The following MAGI2 variants were observed in gnomAD, a reference collection of about 807,000 sequenced individuals.
MAGI2 encodes the protein membrane associated guanylate kinase, WW and PDZ domain containing 2.
MAGI2 carries 35 observed loss-of-function variants against 133.3 expected under a neutral mutation model. The observed-to-expected ratio is 0.26, with a 90% CI of 0.20 to 0.35. MAGI2 has a LOEUF of 0.35. MAGI2 is among the 10% of genes least tolerant of loss of function. The probability of loss-of-function intolerance (pLI) is 1.00; values close to 1 mark genes in which losing one functional copy is unlikely to be tolerated. For missense variants in MAGI2, 1,636 were observed against 1,863.4 expected, an observed-to-expected ratio of 0.88 and a Z score of 2.25; for synonymous variants, 729 against 710.6, an observed-to-expected ratio of 1.03 and a Z score of -0.41.
At chr7:78,476,781 C>A (rs1222081364) in intron 6 of MAGI2, among the ~76,000 whole-genome samples, 1 of 151,820 alleles carries the variant, frequency 6.6e-6, no homozygotes, top group African/African-American at 2.4e-5. Context: ...TGACTGGCAT[C>A]ACTCAATCGA....
intron 9 of MAGI2, among the ~76,000 whole-genome samples, chr7:78,312,441 G>T (rs771086886): frequency 1.3e-5 from 2 of 151,952 alleles, no homozygotes; most frequent in Non-Finnish European, 2.9e-5. Flanking sequence ...TAATCAACAG[G>T]CAATATATAG....
chr7:79,439,273 A>G (rs923756478), intron 1 of MAGI2, among the ~76,000 whole-genome samples: 1 of 152,072 alleles, frequency 6.6e-6, no homozygotes, highest in Admixed American at 6.6e-5. Context: ...AATGTTTCCA[A>G]TGGAACTGCA....
At chr7:79,335,280 G>A (rs1345526863) in intron 1 of MAGI2, among the ~76,000 whole-genome samples, 1 of 152,086 alleles carries the variant, frequency 6.6e-6, no homozygotes, top group Non-Finnish European at 1.5e-5. Context: ...GTGTCTTCAA[G>A]CTGCATTTTA....
intron 2 of MAGI2, among the ~76,000 whole-genome samples, chr7:78,851,907 A>G (rs1234260091): frequency 6.6e-6 from 1 of 152,148 alleles, no homozygotes; most frequent in African/African-American, 2.4e-5. Flanking sequence ...TAACTAGTAG[A>G]GTTGATGGAA....
At chr7:78,685,917 C>T (rs375807724) in intron 2 of MAGI2, among the ~76,000 whole-genome samples, 3 of 151,394 alleles carry the variant, frequency 2.0e-5, no homozygotes, top group African/African-American at 4.8e-5. Flanking sequence ...AAAAATTTCT[C>T]AAAGAAAAAG....
intron 1 of MAGI2, among the ~76,000 whole-genome samples, chr7:79,253,231 T>C (rs923051315): frequency 3.3e-5 from 5 of 152,234 alleles, no homozygotes; most frequent in African/African-American, 4.8e-5. Context: ...TGACTACTAT[T>C]TTCAAGTTAG....
chr7:78,715,274 T>A (rs1411601668), intron 2 of MAGI2, among the ~76,000 whole-genome samples: 1 of 152,144 alleles, frequency 6.6e-6, no homozygotes, highest in Non-Finnish European at 1.5e-5. Context: ...ATAGAGTGAA[T>A]TGGAATGGAC....
chr7:78,226,601 C>A (rs764806551), intron 10 of MAGI2, among the ~76,000 whole-genome samples: 2 of 152,198 alleles, frequency 1.3e-5, no homozygotes, highest in Non-Finnish European at 2.9e-5. Context: ...TCTCCCACCA[C>A]CGAAATTATA....
rs987269791 is a variant in MAGI2, at chr7:78,580,320, G to A, written c.538+46800C>T. 8.5e-5 allele frequency among the ~76,000 whole-genome samples: 13 copies of A among 152,316 alleles called. No homozygotes were observed. The East Asian group carries it at 2.5e-3, about 29-fold the overall frequency. ...ATTAAAAGAAAATCAAGGGGAAAAT[G>A]ATGACTGGCCCTCTGTGCTACAGTT... On this transcript the variant is annotated intron_variant, in intron 3 of 21. Coordinates refer to ENST00000354212, the MANE Select transcript of MAGI2 (RefSeq NM_012301.4).
chr7:78,429,493 C>A (rs1799591634), intron 6 of MAGI2, among the ~76,000 whole-genome samples: 1 of 151,968 alleles, frequency 6.6e-6, no homozygotes, highest in Non-Finnish European at 1.5e-5. Flanking sequence ...TCATTTTTTC[C>A]TATGAGAAGC....
At chr7:79,202,418 G>A (rs1828691376) in intron 1 of MAGI2, among the ~76,000 whole-genome samples, 1 of 151,742 alleles carries the variant, frequency 6.6e-6, no homozygotes, top group Non-Finnish European at 1.5e-5. Context: ...AGCCCTAATA[G>A]GGCTGTTATT....
At chr7:79,023,177 T>TTA (rs1253678246) in intron 1 of MAGI2, among the ~76,000 whole-genome samples, 1 of 94,714 alleles carries the variant, frequency 1.1e-5, no homozygotes, top group Non-Finnish European at 2.5e-5. Flanking sequence ...CAAGTTTTGT[T>TTA]CAATATACAA....
At chr7:78,959,945 G>T (rs1802707702) in intron 2 of MAGI2, among the ~76,000 whole-genome samples, 1 of 151,946 alleles carries the variant, frequency 6.6e-6, no homozygotes, top group Admixed American at 6.6e-5. Flanking sequence ...ACCCAGTATG[G>T]CTAATTTCAA....
At chr7:79,266,018 T>G (rs932843183) in intron 1 of MAGI2, among the ~76,000 whole-genome samples, 4 of 152,132 alleles carry the variant, frequency 2.6e-5, no homozygotes, top group African/African-American at 9.7e-5. Context: ...AATAATGATT[T>G]TTTCTGCAAA....
intron 9 of MAGI2, among the ~76,000 whole-genome samples, chr7:78,306,804 T>A (rs1370926928): frequency 6.6e-6 from 1 of 152,156 alleles, no homozygotes; most frequent in Non-Finnish European, 1.5e-5. Context: ...GTCATTGGTA[T>A]GGTTTTAAGA....
chr7:78,049,247 C>T (rs1811762398), intron 21 of MAGI2, among the ~76,000 whole-genome samples: 1 of 152,160 alleles, frequency 6.6e-6, no homozygotes, highest in Non-Finnish European at 1.5e-5. Flanking sequence ...GAGACGGCAT[C>T]TCATAATTTC....
At chr7:78,535,009 TG>T (rs1797764369) in intron 3 of MAGI2, among the ~76,000 whole-genome samples, 1 of 152,090 alleles carries the variant, frequency 6.6e-6, no homozygotes, top group African/African-American at 2.4e-5. Context: ...GGTGGGCACT[TG>T]TAATCCCAGC....
At chr7:78,570,559 G>A (rs1563183738) in intron 3 of MAGI2, among the ~76,000 whole-genome samples, 1 of 152,120 alleles carries the variant, frequency 6.6e-6, no homozygotes, top group Non-Finnish European at 1.5e-5. Flanking sequence ...ACAGTGACAG[G>A]GGGTGGGACT....
intron 8 of MAGI2, chr7:78,345,703 A>T: frequency 1.7e-6 from 1 of 572,310 alleles, no homozygotes; most frequent in Non-Finnish European, 3.1e-6. Flanking sequence ...GACATGCTGT[A>T]CATTCCTATA....
Sources: allele counts gnomAD v4.1 joint callset (sites outside exome capture counted in the v4.1 genomes callset), GRCh38; gene constraint gnomAD v4.1.1; transcripts MANE v1.5; gene names NCBI Gene and HGNC (gene_info 2026-07-23, HGNC 2026-07-21).